WDR7: variants seen among roughly 807,000 people sequenced by gnomAD.
WDR7 encodes the protein WD repeat-containing protein 7.
In WDR7, 46 loss-of-function variants were observed where a neutral mutation model predicts 169.4. That is an observed-to-expected ratio of 0.27 (90% CI 0.21 to 0.35). The LOEUF (loss-of-function observed/expected upper bound fraction) is 0.35, where lower values mean the gene tolerates loss of function less well. WDR7 is among the 10% of genes least tolerant of loss of function. The pLI is 1.00. For missense variants in WDR7, 1,534 were observed against 1,859.3 expected, an observed-to-expected ratio of 0.83 and a Z score of 3.22; for synonymous variants, 612 against 666.8, an observed-to-expected ratio of 0.92 and a Z score of 1.27.
intron 19 of WDR7, among the ~76,000 whole-genome samples, chr18:56,800,548 A>G (rs1264696809): frequency 6.6e-6 from 1 of 152,200 alleles, no homozygotes; most frequent in East Asian, 1.9e-4. Flanking sequence ...ATAAAAATAA[A>G]TACATATAGA....
At chr18:56,714,446 T>C (rs1474882067) in intron 12 of WDR7, among the ~76,000 whole-genome samples, 46 of 143,288 alleles carry the variant, frequency 3.2e-4, no homozygotes, top group African/African-American at 1.1e-3. Context: ...GGACGAAACT[T>C]TTTTTTTTTT....
At chr18:56,800,677 T>G (rs1321018977) in intron 19 of WDR7, among the ~76,000 whole-genome samples, 1 of 152,248 alleles carries the variant, frequency 6.6e-6, no homozygotes, top group Non-Finnish European at 1.5e-5. Flanking sequence ...ATAACTTTTA[T>G]AATGCCGGTT....
At chr18:57,030,581 G>A (rs1354677307), downstream of WDR7, 2 of 152,196 alleles carry the variant, frequency 1.3e-5, no homozygotes, top group African/African-American at 4.8e-5. Flanking sequence ...GCAGTGCTGG[G>A]TGAACTTTCA....
At chr18:56,694,351 G>C (rs2025649460) in intron 9 of WDR7, among the ~76,000 whole-genome samples, 1 of 152,184 alleles carries the variant, frequency 6.6e-6, no homozygotes, top group Admixed American at 6.5e-5. Flanking sequence ...GTGGTGAAAA[G>C]TAGCATAAAT....
chr18:56,691,062 C>T (rs984627095), intron 7 of WDR7, among the ~76,000 whole-genome samples, 154 bp from the exon 8 acceptor site: 3 of 152,166 alleles, frequency 2.0e-5, no homozygotes, highest in Non-Finnish European at 2.9e-5. Context: ...AAGGTGACCT[C>T]TCCCAGGGCT....
chr18:56,654,141 C>CT (rs956334911), intron 1 of WDR7, among the ~76,000 whole-genome samples: 11 of 151,650 alleles, frequency 7.3e-5, no homozygotes, highest in East Asian at 1.9e-4. Flanking sequence ...CTGAGCATTT[C>CT]TTTTTTTTTC....
chr18:56,923,503 A>G (rs1029926605), intron 21 of WDR7, among the ~76,000 whole-genome samples: 6 of 152,224 alleles, frequency 3.9e-5, no homozygotes, highest in African/African-American at 1.4e-4. Context: ...GCCTGTAATG[A>G]GAGGTGTTAC....
At position 56,794,304 on chromosome 18, in the gene WDR7, A is replaced by ATTTTTTTTTTTTTTTTTTTTTTTTTTT. The variant is rs566857049; in HGVS notation, c.3190+12671_3190+12672insTTTTTTTTTTTTTTTTTTTTTTTTTTT. On this transcript the variant is annotated intron_variant, in intron 19 of 27. Coordinates refer to ENST00000254442, the MANE Select transcript of WDR7 (RefSeq NM_015285.3). ...GTTTGTGTCTTAAAAGGTAAAGTCT[A>ATTTTTTTTTTTTTTTTTTTTTTTTTTT]TTTTTTTTTTTTTTTTTTTTTTTGA... 3.8e-4 allele frequency among the ~76,000 whole-genome samples: 19 copies of ATTTTTTTTTTTTTTTTTTTTTTTTTTT among 49,466 alleles called. 8 individuals are homozygous for ATTTTTTTTTTTTTTTTTTTTTTTTTTT. Among genetic ancestry groups the ATTTTTTTTTTTTTTTTTTTTTTTTTTT allele is most frequent in the East Asian group, 1.2e-3 (2 of 1,648 alleles). 32.5% of individuals were successfully genotyped at this position (49,466 alleles called of 152,430 possible).
intron 14 of WDR7, among the ~76,000 whole-genome samples, chr18:56,754,042 C>T (rs529285139): frequency 9.9e-5 from 15 of 151,740 alleles, no homozygotes; most frequent in African/African-American, 3.6e-4. Context: ...TTCTATAATT[C>T]CATCACAAGA....
intron 23 of WDR7, among the ~76,000 whole-genome samples, chr18:56,936,876 T>G (rs1358066706): frequency 6.6e-6 from 1 of 152,206 alleles, no homozygotes; most frequent in Non-Finnish European, 1.5e-5. Context: ...TCCACTAGAT[T>G]TAAAATGCAC....
chr18:56,794,304 A>ATTTTTTCTTTTTTTTTTTT (rs2044543989), intron 19 of WDR7, among the ~76,000 whole-genome samples: 1 of 49,466 alleles, frequency 2.0e-5, no homozygotes, highest in Non-Finnish European at 3.8e-5. Context: ...GGTAAAGTCT[A>ATTTTTTCTTTTTTTTTTTT]TTTTTTTTTT....
chr18:56,842,537 A>G (rs2045501877), intron 20 of WDR7, among the ~76,000 whole-genome samples: 1 of 152,196 alleles, frequency 6.6e-6, no homozygotes, highest in African/African-American at 2.4e-5. Flanking sequence ...GTAAACAGAA[A>G]GGTATAAGGT....
At chr18:56,924,669 CT>C (rs1294576769) in intron 22 of WDR7, among the ~76,000 whole-genome samples, 1 of 152,200 alleles carries the variant, frequency 6.6e-6, no homozygotes, top group African/African-American at 2.4e-5. Context: ...TGGTGACCAA[CT>C]GACTAGGATT....
rs117273543 is a variant in WDR7 at position 56,765,802 on chromosome 18, G to C, written c.2848+6849G>C. Among the ~76,000 whole-genome samples the C allele has an allele frequency of 9.7e-3, 1,473 of 151,858 alleles. 9 individuals are homozygous for C. Among genetic ancestry groups the C allele is most frequent in the Non-Finnish European group, 0.013 (865 of 67,908 alleles). ...TGTATGTATATATGTATGTATGTATGTATCTATCTATCTATTTATTTATTT... is the reference window on the plus strand; with the variant it reads ...TGTATGTATATATGTATGTATGTATCTATCTATCTATCTATTTATTTATTT... On this transcript the variant is annotated intron_variant, in intron 16 of 27. Coordinates refer to ENST00000254442, the MANE Select transcript of WDR7 (RefSeq NM_015285.3).
At chr18:57,011,790 A>C (rs2048140074) in intron 26 of WDR7, among the ~76,000 whole-genome samples, 1 of 149,452 alleles carries the variant, frequency 6.7e-6, no homozygotes, top group Non-Finnish European at 1.5e-5. Context: ...CAATAAGAAA[A>C]GCTGAGTTCT....
chr18:56,721,325 G>C (rs552932896), intron 13 of WDR7: 6 of 152,206 alleles, frequency 3.9e-5, no homozygotes, highest in African/African-American at 1.4e-4. Context: ...TCCTTCAAAT[G>C]AGTACTTTGT....
chr18:56,757,228 A>G lies in WDR7; in HGVS notation c.2635A>G (p.Thr879Ala), dbSNP rs767743103. 2.5e-6 allele frequency: 4 copies of G among 1,614,116 alleles called. No homozygotes were observed. The South Asian group carries it at 3.3e-5, about 13-fold the overall frequency. The change falls in exon 15 of 28, where the codon ACT becomes GCT. Residue 879 changes from threonine to alanine, a missense_variant. Thr to Ala is a moderately conservative substitution (Grantham distance 58). Coordinates refer to ENST00000254442, the MANE Select transcript of WDR7 (RefSeq NM_015285.3). ...LPASEGVGKG[T>A]YGVSRAVTTQ... ...AGCGTCTGAGGGAGTAGGAAAGGGA[A>G]CTTACGGAGTGTCCCGTGCCGTCAC...
At chr18:56,958,247 G>T (rs759038566) in intron 25 of WDR7, among the ~76,000 whole-genome samples, 3 of 152,110 alleles carry the variant, frequency 2.0e-5, no homozygotes, top group Non-Finnish European at 4.4e-5. Flanking sequence ...CCCACTGTGG[G>T]TTGCTCCTCA....
intron 2 of WDR7, 71 bp downstream of exon 2, chr18:56,672,745 C>T (rs189704145): frequency 1.6e-4 from 224 of 1,396,114 alleles, no homozygotes; most frequent in African/African-American, 1.4e-3. Flanking sequence ...ATATAGTCCC[C>T]AAATGATGCT....
Sources: allele counts gnomAD v4.1 joint callset (sites outside exome capture counted in the v4.1 genomes callset), GRCh38; gene constraint gnomAD v4.1.1; transcripts MANE v1.5; gene names NCBI Gene and HGNC (gene_info 2026-07-23, HGNC 2026-07-21).